Variants in MYO3B observed in about 807,000 individuals in gnomAD.
MYO3B encodes myosin-IIIb.
In MYO3B, 156 loss-of-function variants were observed where a neutral mutation model predicts 174.6. The ratio of observed to expected loss-of-function variants is 0.89; its 90% CI spans 0.78 to 1.02. The LOEUF (loss-of-function observed/expected upper bound fraction) is 1.02, where lower values mean the gene tolerates loss of function less well. MYO3B is among the 50% of genes least tolerant of loss of function. The probability of loss-of-function intolerance (pLI) is 0.00; values close to 1 mark genes in which losing one functional copy is unlikely to be tolerated. For synonymous variants in MYO3B, 563 were observed against 569.1 expected, an observed-to-expected ratio of 0.99 and a Z score of 0.15; for missense variants, 1,632 against 1,639.4, an observed-to-expected ratio of 1.00 and a Z score of 0.08.
chr2:170,357,340 T>A (rs1486303074), intron 8 of MYO3B, among the ~76,000 whole-genome samples: 1 of 78,566 alleles, frequency 1.3e-5, no homozygotes, highest in East Asian at 3.6e-4. Context: ...TAATATATAT[T>A]ATATATATAT....
chr2:170,365,126 G>A (rs1044349269), intron 8 of MYO3B, among the ~76,000 whole-genome samples: 4 of 152,110 alleles, frequency 2.6e-5, no homozygotes, highest in African/African-American at 4.8e-5. Flanking sequence ...CCCTCTGGCC[G>A]CGAAGTATTG....
intron 7 of MYO3B, among the ~76,000 whole-genome samples, chr2:170,315,756 A>G (rs1156786955): frequency 1.3e-5 from 2 of 152,248 alleles, no homozygotes; most frequent in Non-Finnish European, 2.9e-5. Context: ...CATTTTACAT[A>G]TGATACAACT....
chr2:170,605,594 A>C (rs956062900), intron 32 of MYO3B, among the ~76,000 whole-genome samples: 2 of 152,144 alleles, frequency 1.3e-5, no homozygotes, highest in African/African-American at 4.8e-5. Context: ...ACGGTGGCTC[A>C]CGCCTGCAAT....
intron 3 of MYO3B, among the ~76,000 whole-genome samples, chr2:170,212,760 G>C (rs2105362109): frequency 6.6e-6 from 1 of 152,316 alleles, no homozygotes; most frequent in South Asian, 2.1e-4. Context: ...CATAAGGCGT[G>C]AATTCCCCGT....
intron 32 of MYO3B, among the ~76,000 whole-genome samples, chr2:170,571,050 A>G (rs779962460): frequency 6.6e-6 from 1 of 152,204 alleles, no homozygotes; most frequent in Non-Finnish European, 1.5e-5. Context: ...TTCTTAAGAC[A>G]GGTAACATGT....
Position 170,512,530 on chromosome 2 carries a change from C to G in MYO3B, c.3371-2391C>G, listed in dbSNP as rs114070782. On this transcript the variant is annotated intron_variant, in intron 28 of 34. Transcript: ENST00000408978. ...CATTATGAGGGCAGGAACGTTTACCCAGCCTAGATCACCAACCAGGAAACC... is the reference window on the plus strand; with the variant it reads ...CATTATGAGGGCAGGAACGTTTACCGAGCCTAGATCACCAACCAGGAAACC... Among the ~76,000 whole-genome samples, 1,353 of 152,242 alleles carry G rather than the reference C, an allele frequency of 8.9e-3. 15 individuals are homozygous for G. The highest frequency in any genetic ancestry group is 0.031 in the African/African-American group (1,273 of 41,516).
intron 16 of MYO3B, among the ~76,000 whole-genome samples, chr2:170,398,524 A>T (rs1276302704): frequency 6.6e-6 from 1 of 152,102 alleles, no homozygotes; most frequent in African/African-American, 2.4e-5. Context: ...CAAAAGTTCG[A>T]ACTCTCTAAT....
intron 32 of MYO3B, chr2:170,602,212 G>T: frequency 4.2e-6 from 5 of 1,186,814 alleles, no homozygotes; most frequent in South Asian, 3.6e-5. Context: ...CGGCTTCTTA[G>T]GGTCTCCTTT....
intron 7 of MYO3B, among the ~76,000 whole-genome samples, chr2:170,249,401 T>C (rs1227243919): frequency 6.6e-6 from 1 of 152,208 alleles, no homozygotes; most frequent in Non-Finnish European, 1.5e-5. Flanking sequence ...AACCTAACTC[T>C]TTTGGCCTCA....
intron 30 of MYO3B, among the ~76,000 whole-genome samples, chr2:170,534,440 T>A (rs1406948228): frequency 1.3e-5 from 2 of 152,186 alleles, no homozygotes; most frequent in Admixed American, 1.3e-4. Flanking sequence ...CTGGGTGTCC[T>A]GTTTTTTTGT....
At chr2:170,501,275 T>C (rs1300126095) in intron 27 of MYO3B, among the ~76,000 whole-genome samples, 1 of 152,164 alleles carries the variant, frequency 6.6e-6, no homozygotes, top group Non-Finnish European at 1.5e-5. Flanking sequence ...CAGAATTCAC[T>C]CACAGCAAAT....
intron 32 of MYO3B, among the ~76,000 whole-genome samples, chr2:170,627,623 C>A (rs757893756): frequency 2.8e-4 from 43 of 152,314 alleles, no homozygotes; most frequent in Non-Finnish European, 5.0e-4. Flanking sequence ...AGAGGAGAGG[C>A]GCTCTGATTT....
At chr2:170,190,094 T>C (rs1467089929) in intron 1 of MYO3B, among the ~76,000 whole-genome samples, 1 of 152,192 alleles carries the variant, frequency 6.6e-6, no homozygotes, top group African/African-American at 2.4e-5. Context: ...TCTTGCAGAC[T>C]CATATAGGTA....
chr2:170,411,089 G>T (rs1225934811), intron 22 of MYO3B, among the ~76,000 whole-genome samples: 1 of 152,150 alleles, frequency 6.6e-6, no homozygotes, highest in Non-Finnish European at 1.5e-5. Context: ...AAGGATTCCT[G>T]ACAGTTAACT....
At chr2:170,196,136 G>A (rs1046688198) in intron 1 of MYO3B, among the ~76,000 whole-genome samples, 32 of 152,138 alleles carry the variant, frequency 2.1e-4, no homozygotes, top group African/African-American at 7.5e-4. Flanking sequence ...CTGATAGGAG[G>A]CAACTCCTAC....
chr2:170,437,903 G>A (rs79833952), intron 22 of MYO3B, among the ~76,000 whole-genome samples: 1,760 of 152,126 alleles, frequency 0.012, 39 homozygotes, highest in African/African-American at 0.04. Context: ...TCAATGATTA[G>A]CAGTGTCCCA....
At chr2:170,516,407 C>T (rs1287272061) in intron 29 of MYO3B, among the ~76,000 whole-genome samples, 1 of 151,738 alleles carries the variant, frequency 6.6e-6, no homozygotes, top group Non-Finnish European at 1.5e-5. Flanking sequence ...TTTGGGAGGC[C>T]GAGATGGGCA....
intron 22 of MYO3B, among the ~76,000 whole-genome samples, chr2:170,409,340 C>A (rs567815179): frequency 8.5e-5 from 13 of 152,344 alleles, no homozygotes; most frequent in African/African-American, 3.1e-4. Flanking sequence ...GCCGCTGCGT[C>A]TTTTTTACCC....
chr2:170,271,596 A>C (rs1162188911), intron 7 of MYO3B, among the ~76,000 whole-genome samples: 1 of 152,198 alleles, frequency 6.6e-6, no homozygotes, highest in African/African-American at 2.4e-5. Context: ...ATAGAGTACA[A>C]CGTGGCCTAA....
Sources: gnomAD v4.1 joint callset for allele counts (sites outside exome capture counted in the v4.1 genomes callset) on GRCh38, gnomAD v4.1.1 for gene constraint, MANE v1.5 for transcripts, NCBI Gene and HGNC (gene_info 2026-07-23, HGNC 2026-07-21) for gene names.